Variants in FBXW2 observed in about 807,000 individuals in gnomAD.
FBXW2 encodes F-box and WD repeat domain containing 2.
Under a neutral mutation model 46.0 loss-of-function variants are expected in FBXW2, and 12 were observed. The observed-to-expected ratio is 0.26, with a 90% CI of 0.17 to 0.42. FBXW2 has a LOEUF of 0.42. FBXW2 is among the 10% of genes least tolerant of loss of function. The pLI, the probability that FBXW2 is intolerant of heterozygous loss-of-function variation, is 1.00. For missense variants in FBXW2, 360 were observed against 537.0 expected (o/e 0.67, Z 3.26); for synonymous variants, 203 against 209.6 (o/e 0.97, Z 0.27).
chr9:120,790,862 A>C (rs1296352681), intron 2 of FBXW2, among the ~76,000 whole-genome samples: 1 of 152,222 alleles, frequency 6.6e-6, no homozygotes, highest in Admixed American at 6.5e-5. Context: ...TGACACCGCT[A>C]AAGATTACGG....
intron 7 of FBXW2, among the ~76,000 whole-genome samples, chr9:120,765,560 A>C (rs2044261511): frequency 6.6e-6 from 1 of 152,218 alleles, no homozygotes; most frequent in Non-Finnish European, 1.5e-5. Flanking sequence ...GAGAACTAGA[A>C]GGCAAGAGTT....
chr9:120,779,110 G>A (rs2044558828), intron 3 of FBXW2, among the ~76,000 whole-genome samples: 1 of 152,096 alleles, frequency 6.6e-6, no homozygotes, highest in African/African-American at 2.4e-5. Context: ...GAAACCTCAA[G>A]GAAAACCTGG....
chr9:120,775,233 G>A (rs1005744767), intron 5 of FBXW2, among the ~76,000 whole-genome samples: 10 of 152,046 alleles, frequency 6.6e-5, no homozygotes, highest in African/African-American at 2.2e-4. Context: ...CAGTAGCGAC[G>A]GAGTTTCACC....
rs549533860 is a variant in FBXW2 at position 120,778,284 on chromosome 9, C to T, written c.685+67G>A. The T allele has an allele frequency of 1.9e-4, 250 of 1,326,664 alleles. 4 individuals carry two copies. The African/African-American group carries it at 3.2e-3, about 17-fold the overall frequency. The allele number at this position is 1,326,664 out of a possible 1,614,324, so 82.2% of individuals were successfully genotyped here. On this transcript the variant is annotated intron_variant, in intron 4 of 7. Transcript: ENST00000608872. Reference sequence around the variant, plus strand: ...AAATTAAAAAAAAAAAAGCATTTCACATTCTTGGCTCCTGGCTTAAAAGGA... The same window carrying T: ...AAATTAAAAAAAAAAAAGCATTTCATATTCTTGGCTCCTGGCTTAAAAGGA...
rs531394672 is a variant in FBXW2 at position 120,758,351 on chromosome 9, C to T, written c.*6208G>A. On this transcript the variant is annotated 3_prime_UTR_variant, in exon 8 of 8. Transcript: ENST00000608872. ...GCAAGGGTGGAAATAAATAGAGGAG[C>T]AAGAACTGTTTGCTCGAAGAAATTA... 3.3e-5 allele frequency: 5 copies of T among 152,264 alleles called. No individual in the cohort carries two copies. Among genetic ancestry groups the T allele is most frequent in the Admixed American group, 6.5e-5 (1 of 15,292 alleles). The allele number at this position is 152,264 out of a possible 1,614,324, so 9.4% of individuals were successfully genotyped here.
Position 120,793,164 on chromosome 9 carries a change from G to T in FBXW2, c.-36C>A. The T allele has an allele frequency of 1.7e-6, 1 of 581,460 alleles. No homozygotes were observed. 36.0% of individuals were successfully genotyped at this position (581,460 alleles called of 1,614,324 possible). A position where few individuals can be genotyped will look rare whatever the true frequency, so the allele number is the denominator to read the frequency against. Reference sequence around the variant, plus strand: ...CGGCACTGACCTGAGCGAGCGCCCCGGGGCCCGGGACCTCGCGCCGGGTTC... The same window carrying T: ...CGGCACTGACCTGAGCGAGCGCCCCTGGGCCCGGGACCTCGCGCCGGGTTC... On this transcript the variant is annotated 5_prime_UTR_variant, in exon 2 of 8. Transcript: ENST00000608872.
At chr9:120,785,384 A>C (rs2044699258) in intron 3 of FBXW2, among the ~76,000 whole-genome samples, 1 of 152,226 alleles carries the variant, frequency 6.6e-6, no homozygotes, top group Non-Finnish European at 1.5e-5. Context: ...GAGAAAGTAC[A>C]TCAAAGCCTA....
chr9:120,787,636 G>A, intron 3 of FBXW2, 133 bp downstream of exon 3: 1 of 879,360 alleles, frequency 1.1e-6, no homozygotes, highest in Non-Finnish European at 1.7e-6. Flanking sequence ...AACCACTCAG[G>A]ATTAGAGAAA....
intron 5 of FBXW2, among the ~76,000 whole-genome samples, chr9:120,774,133 C>T (rs536010032): frequency 4.6e-5 from 7 of 152,066 alleles, no homozygotes; most frequent in African/African-American, 1.7e-4. Context: ...GTCAGGAGTT[C>T]GAGACCAGCC....
At chr9:120,769,783 G>A (rs1450347479) in intron 7 of FBXW2, among the ~76,000 whole-genome samples, 3 of 152,240 alleles carry the variant, frequency 2.0e-5, no homozygotes, top group Non-Finnish European at 4.4e-5. Flanking sequence ...ACAGTGAGAG[G>A]TGGAATGCTG....
chr9:120,787,743 C>CA (rs768753738), intron 3 of FBXW2, 26 bp downstream of exon 3: 1 of 1,580,682 alleles, frequency 6.3e-7, no homozygotes, highest in Non-Finnish European at 8.6e-7. Context: ...AAACAAAACC[C>CA]AAAAAGCAGT....
chr9:120,790,377 G>A (rs534489564), intron 2 of FBXW2, among the ~76,000 whole-genome samples: 3 of 152,224 alleles, frequency 2.0e-5, no homozygotes, highest in Admixed American at 6.5e-5. Context: ...CCAGCTAGTC[G>A]GGAGGCTGAG....
chr9:120,774,386 G>A (rs1053715767), intron 5 of FBXW2, among the ~76,000 whole-genome samples: 4 of 151,514 alleles, frequency 2.6e-5, no homozygotes, highest in Non-Finnish European at 4.4e-5. Context: ...GTGGCACGTG[G>A]CTGTAGTGCT....
chr9:120,787,753 T>C lies in FBXW2; in HGVS notation c.490+16A>G. The C allele has an allele frequency of 1.3e-6, 2 of 1,586,140 alleles. No homozygotes were observed. Among genetic ancestry groups the C allele is most frequent in the Non-Finnish European group, 1.7e-6 (2 of 1,169,444 alleles). On this transcript the variant is annotated intron_variant, in intron 3 of 7. Transcript: ENST00000608872. ...ATACAAAACAAAACCCAAAAAGCAGTTTCAACATCTCTTACCTGTACAGAG... is the reference window on the plus strand; with the variant it reads ...ATACAAAACAAAACCCAAAAAGCAGCTTCAACATCTCTTACCTGTACAGAG...
chr9:120,781,293 A>C (rs2044606665), intron 3 of FBXW2, among the ~76,000 whole-genome samples: 2 of 152,196 alleles, frequency 1.3e-5, no homozygotes, highest in Admixed American at 1.3e-4. Context: ...CAACACAAAA[A>C]TTATTGAAAA....
At chr9:120,775,810 G>A (rs773085223) in intron 5 of FBXW2, among the ~76,000 whole-genome samples, 31 of 152,000 alleles carry the variant, frequency 2.0e-4, no homozygotes, top group Non-Finnish European at 3.5e-4. Context: ...TTCAGAAACC[G>A]GTATCACACT....
At position 120,764,020 on chromosome 9, in the gene FBXW2, C is replaced by A. The variant is rs967391125; in HGVS notation, c.*539G>T. ...AATTGGATTTGAACTGGAAGACAGACTTTCCTTAGCACTGGTATTTGGTGG... is the reference window on the plus strand; with the variant it reads ...AATTGGATTTGAACTGGAAGACAGAATTTCCTTAGCACTGGTATTTGGTGG... On this transcript the variant is annotated 3_prime_UTR_variant, in exon 8 of 8. Coordinates refer to ENST00000608872, the MANE Select transcript of FBXW2 (RefSeq NM_012164.4). The A allele has an allele frequency of 6.1e-5, 11 of 179,634 alleles. No individual in the cohort carries two copies. The highest frequency in any genetic ancestry group is 2.1e-4 in the African/African-American group (9 of 42,560). 11.1% of individuals were successfully genotyped at this position (179,634 alleles called of 1,614,324 possible).
Position 120,778,462 on chromosome 9 carries a change from C to T in FBXW2, c.574G>A (p.Val192Met). Residue 192 changes from valine (V) to methionine (M), a missense_variant, in exon 4 of 8, where the codon GTG (valine) becomes ATG (methionine). Coordinates refer to ENST00000608872, the MANE Select transcript of FBXW2 (RefSeq NM_012164.4). ...ACAAGCTTCTGTTCATCAAACTTCA[C>T]CGCTGCACAAGTGTGGGTCTGGATG... is the stretch of plus-strand genomic sequence containing the variant. ...YGIQTHTCAA[V>M]KFDEQKLVTG... 1 of 1,614,096 alleles carries T rather than the reference C, an allele frequency of 6.2e-7. No homozygotes were observed. Among genetic ancestry groups the T allele is most frequent in the Non-Finnish European group, 8.5e-7 (1 of 1,180,020 alleles).
chr9:120,778,611 A>G, intron 3 of FBXW2, 66 bp from the exon 4 acceptor site: 1 of 1,373,640 alleles, frequency 7.3e-7, no homozygotes. Context: ...ATCAATCCCA[A>G]AATCATGGTG....
Sources: gnomAD v4.1 joint callset for allele counts (sites outside exome capture counted in the v4.1 genomes callset) on GRCh38, gnomAD v4.1.1 for gene constraint, MANE v1.5 for transcripts, NCBI Gene and HGNC (gene_info 2026-07-23, HGNC 2026-07-21) for gene names.